The following CADM2 variants were observed in gnomAD, a reference collection of about 807,000 sequenced individuals.
CADM2 encodes cell adhesion molecule 2, also known as immunoglobulin superfamily member 4D.
Under a neutral mutation model 49.8 loss-of-function variants are expected in CADM2, and 12 were observed. The ratio of observed to expected loss-of-function variants is 0.24; its 90% CI spans 0.15 to 0.39. The LOEUF is 0.39. Ranked by LOEUF, CADM2 falls within the 10% of genes least tolerant of loss-of-function variation. The pLI is 1.00. For synonymous variants in CADM2, 214 were observed against 175.4 expected (o/e 1.22, Z -1.74); for missense variants, 378 against 492.3 (o/e 0.77, Z 2.20).
chr3:85,395,332 G>C (rs2034729818), intron 1 of CADM2, among the ~76,000 whole-genome samples: 2 of 149,828 alleles, frequency 1.3e-5, no homozygotes, highest in Middle Eastern at 6.9e-3. Flanking sequence ...GAAAAAGAAG[G>C]GGTATATGTA....
chr3:85,194,844 A>G (rs1431186946), intron 1 of CADM2, among the ~76,000 whole-genome samples: 1 of 152,024 alleles, frequency 6.6e-6, no homozygotes, highest in African/African-American at 2.4e-5. Flanking sequence ...CTTGAGGACT[A>G]CCTGCATTAG....
At chr3:85,067,193 A>G (rs1225370102) in intron 1 of CADM2, among the ~76,000 whole-genome samples, 2 of 152,086 alleles carry the variant, frequency 1.3e-5, no homozygotes, top group Non-Finnish European at 2.9e-5. Context: ...TAAATATTTT[A>G]TAAAAGTATC....
intron 1 of CADM2, among the ~76,000 whole-genome samples, chr3:85,607,144 G>T (rs1239505008): frequency 3.3e-5 from 5 of 152,016 alleles, no homozygotes; most frequent in Non-Finnish European, 7.4e-5. Context: ...AAATTAAGAG[G>T]TTTAAGAAGA....
intron 1 of CADM2, among the ~76,000 whole-genome samples, chr3:85,192,331 G>C (rs866103225): frequency 6.6e-6 from 1 of 151,986 alleles, no homozygotes; most frequent in Non-Finnish European, 1.5e-5. Flanking sequence ...CTTTAGCTCA[G>C]TAGTGGATTT....
chr3:85,968,054 G>T (rs1397904747), intron 8 of CADM2, among the ~76,000 whole-genome samples: 1 of 151,542 alleles, frequency 6.6e-6, no homozygotes, highest in Non-Finnish European at 1.5e-5. Flanking sequence ...GGATGGAAAA[G>T]GCATCCATAC....
At chr3:85,347,516 C>CAT (rs200110828) in intron 1 of CADM2, among the ~76,000 whole-genome samples, 11 of 145,756 alleles carry the variant, frequency 7.5e-5, no homozygotes, top group Non-Finnish European at 1.5e-4. Context: ...TATATACACA[C>CAT]ATATATATAA....
intron 1 of CADM2, among the ~76,000 whole-genome samples, chr3:85,173,143 C>G (rs1281051799): frequency 6.6e-6 from 1 of 150,592 alleles, no homozygotes; most frequent in African/African-American, 2.4e-5. Flanking sequence ...TACAGGTGCC[C>G]GCCACCATGC....
intron 1 of CADM2, among the ~76,000 whole-genome samples, chr3:85,252,820 G>A (rs749770404): frequency 1.3e-5 from 2 of 150,602 alleles, no homozygotes; most frequent in African/African-American, 2.5e-5. Context: ...TCCACTAACC[G>A]TGGTCAGTAG....
chr3:85,172,924 TATATA>T (rs36207776), intron 1 of CADM2, among the ~76,000 whole-genome samples: 9,849 of 146,134 alleles, frequency 0.067, 1,130 homozygotes, highest in African/African-American at 0.23. Context: ...TATGTAATAA[TATATA>T]ATATATTATA....
At chr3:85,056,736 T>C (rs1299654974) in intron 1 of CADM2, among the ~76,000 whole-genome samples, 2 of 152,122 alleles carry the variant, frequency 1.3e-5, no homozygotes, top group African/African-American at 4.8e-5. Context: ...CATTAATAAT[T>C]GGCTATTTTA....
chr3:85,508,914 A>G (rs2040484504), intron 1 of CADM2, among the ~76,000 whole-genome samples: 1 of 152,006 alleles, frequency 6.6e-6, no homozygotes, highest in South Asian at 2.1e-4. Context: ...CTGGAGATCA[A>G]TGTCCAACAT....
At chr3:85,667,957 A>G (rs1271991344) in intron 1 of CADM2, among the ~76,000 whole-genome samples, 1 of 152,016 alleles carries the variant, frequency 6.6e-6, no homozygotes, top group Non-Finnish European at 1.5e-5. Flanking sequence ...AGCTCTTACT[A>G]TCTATTTCTG....
chr3:85,434,047 C>G (rs73843609), intron 1 of CADM2, among the ~76,000 whole-genome samples: 2 of 151,806 alleles, frequency 1.3e-5, no homozygotes, highest in African/African-American at 2.4e-5. Flanking sequence ...CAGTATGAGT[C>G]GATTAAGTTT....
intron 8 of CADM2, among the ~76,000 whole-genome samples, chr3:85,988,276 T>C (rs1728357935): frequency 6.6e-6 from 1 of 152,202 alleles, no homozygotes; most frequent in Admixed American, 6.5e-5. Context: ...AATCCCCCAT[T>C]AGTTTTCTAT....
intron 1 of CADM2, among the ~76,000 whole-genome samples, chr3:85,288,277 T>G (rs895097948): frequency 9.9e-5 from 15 of 152,062 alleles, no homozygotes; most frequent in African/African-American, 3.6e-4. Flanking sequence ...GACAAGTGTA[T>G]ATGGAATTAT....
intron 1 of CADM2, among the ~76,000 whole-genome samples, chr3:85,341,602 G>A (rs932037084): frequency 2.8e-4 from 42 of 151,870 alleles, no homozygotes; most frequent in African/African-American, 9.9e-4. Flanking sequence ...CATATGTTTA[G>A]CTTAAAAATG....
intron 1 of CADM2, among the ~76,000 whole-genome samples, chr3:85,560,507 C>G (rs1289017309): frequency 6.6e-6 from 1 of 152,192 alleles, no homozygotes; most frequent in Non-Finnish European, 1.5e-5. Context: ...AACGCATGGC[C>G]ATGGGAGTTG....
chr3:85,271,693 C>T (rs1226108510), intron 1 of CADM2, among the ~76,000 whole-genome samples: 2 of 150,746 alleles, frequency 1.3e-5, no homozygotes, highest in African/African-American at 4.9e-5. Context: ...GACTTTAGAG[C>T]TTTATATATC....
At chr3:85,422,269 G>T (rs1053024579) in intron 1 of CADM2, among the ~76,000 whole-genome samples, 1 of 151,894 alleles carries the variant, frequency 6.6e-6, no homozygotes, top group Admixed American at 6.6e-5. Context: ...AATTATTTGC[G>T]AATGAAATAA....
Sources: allele counts gnomAD v4.1 joint callset (sites outside exome capture counted in the v4.1 genomes callset), GRCh38; gene constraint gnomAD v4.1.1; transcripts MANE v1.5; gene names NCBI Gene and HGNC (gene_info 2026-07-23, HGNC 2026-07-21).